Variants in CCDC83 observed in about 807,000 individuals in gnomAD.
The protein encoded by CCDC83 is coiled-coil domain containing 83.
A neutral mutation model predicts 50.1 loss-of-function variants in CCDC83; 54 were observed. The observed-to-expected ratio is 1.08, with a 90% CI of 0.87 to 1.35. The LOEUF (loss-of-function observed/expected upper bound fraction) is 1.35, where lower values mean the gene tolerates loss of function less well. Among genes scored for constraint, CCDC83 ranks in the 40% most tolerant of loss-of-function variants. CCDC83 has a pLI of 0.00. For synonymous variants in CCDC83, 161 were observed against 153.3 expected (o/e 1.05, Z -0.37); for missense variants, 518 against 473.9 (o/e 1.09, Z -0.86).
intron 7 of CCDC83, among the ~76,000 whole-genome samples, chr11:85,906,358 T>C (rs958741179): frequency 1.3e-5 from 2 of 152,152 alleles, no homozygotes; most frequent in African/African-American, 4.8e-5. Flanking sequence ...TGAGCCACCT[T>C]GCCCAGCCTC....
At chr11:85,872,646 C>T (rs947500936) in intron 2 of CCDC83, among the ~76,000 whole-genome samples, 18 of 152,172 alleles carry the variant, frequency 1.2e-4, no homozygotes, top group Admixed American at 3.3e-4. Context: ...ATAAGAAAGT[C>T]TTTCTGCACT....
Position 85,886,409 on chromosome 11 carries a change from CT to C in CCDC83, c.511+45del, listed in dbSNP as rs760319154. ...CTAGTTCAAGTTCAGTAAAAAACATCTTTAGTAGGGCATACATTGATGGAAG... is the reference window on the plus strand; with the variant it reads ...CTAGTTCAAGTTCAGTAAAAAACATCTTAGTAGGGCATACATTGATGGAAG... On this transcript the variant is annotated intron_variant, in intron 5 of 10. Transcript: ENST00000342404. 60 of 1,503,774 alleles carry C rather than the reference CT, an allele frequency of 4.0e-5. 1 individual carries two copies. In the South Asian group the frequency reaches 6.8e-4, roughly 17 times the overall value. The allele number at this position is 1,503,774 out of a possible 1,614,324, so 93.2% of individuals were successfully genotyped here.
intron 7 of CCDC83, among the ~76,000 whole-genome samples, chr11:85,906,790 T>A (rs1016471889): frequency 6.8e-6 from 1 of 146,000 alleles, no homozygotes; most frequent in Middle Eastern, 3.8e-3. Context: ...GAGGCCGAGA[T>A]AGGAGCATCA....
chr11:85,917,882 A>G (rs548198524), intron 10 of CCDC83: 2 of 152,286 alleles, frequency 1.3e-5, no homozygotes, highest in East Asian at 3.9e-4. Flanking sequence ...CAAATAGCAT[A>G]CCATTTGGTT....
chr11:85,886,980 T>C (rs2093330157), intron 5 of CCDC83, among the ~76,000 whole-genome samples: 1 of 152,076 alleles, frequency 6.6e-6, no homozygotes. Context: ...ACAGAAGCAA[T>C]TCCACCAAGA....
At chr11:85,863,729 A>G (rs1192631033) in intron 1 of CCDC83, among the ~76,000 whole-genome samples, 5 of 152,212 alleles carry the variant, frequency 3.3e-5, no homozygotes, top group African/African-American at 1.2e-4. Context: ...ATCCAAATCA[A>G]TGAAGGTTGA....
At chr11:85,882,383 G>A in intron 3 of CCDC83, 130 bp from the exon 4 acceptor site, 1 of 751,944 alleles carries the variant, frequency 1.3e-6, no homozygotes, top group Non-Finnish European at 2.2e-6. Context: ...ATGTCTGATG[G>A]AAGTAGAAGT....
chr11:85,877,087 C>G (rs907952428), intron 3 of CCDC83, among the ~76,000 whole-genome samples: 1 of 152,192 alleles, frequency 6.6e-6, no homozygotes, highest in Non-Finnish European at 1.5e-5. Context: ...CTATCAGACA[C>G]ATTCTCCTTC....
intron 3 of CCDC83, among the ~76,000 whole-genome samples, chr11:85,879,496 A>T (rs565921658): frequency 6.6e-6 from 1 of 152,234 alleles, no homozygotes; most frequent in Non-Finnish European, 1.5e-5. Context: ...CAAGCACATG[A>T]AAAGATGCTC....
rs991828438 is a variant in CCDC83 at position 85,912,734 on chromosome 11, C to T, written c.794+1332C>T. 1.9e-5 allele frequency: 31 copies of T among 1,600,948 alleles called. No homozygotes were observed. The highest frequency in any genetic ancestry group is 5.0e-5 in the Admixed American group (3 of 59,978). ...GGAATCATGTCTAATCTCTGCCAGG[C>T]GTTGCTGGTATGTGGCTTCTAACTA... is the stretch of plus-strand genomic sequence containing the variant. On this transcript the variant is annotated intron_variant, in intron 8 of 10. Coordinates refer to ENST00000342404, the MANE Select transcript of CCDC83 (RefSeq NM_001286159.2).
At position 85,882,625 on chromosome 11, in the gene CCDC83, C is replaced by A; in HGVS notation, c.293C>A (p.Ala98Glu). ...GTAACAAGAGAGGATGTTGAAGAAG[C>A]GATGAAGGAAAAATGGAAGTTTGAA... Reference protein sequence around the residue: ...PVVTREDVEEAMKEKWKFERD... With the variant: ...PVVTREDVEEEMKEKWKFERD... Residue 98 changes from alanine (A) to glutamate (E), a missense_variant, in exon 4 of 11, where the codon GCG (alanine) becomes GAG (glutamate). Ala to Glu is a moderately radical substitution (Grantham distance 107). Transcript: ENST00000342404. The A allele has an allele frequency of 6.2e-7, 1 of 1,613,304 alleles. No individual in the cohort carries two copies. Among genetic ancestry groups the A allele is most frequent in the Non-Finnish European group, 8.5e-7 (1 of 1,179,730 alleles).
At chr11:85,866,693 G>T (rs1409456120) in intron 2 of CCDC83, among the ~76,000 whole-genome samples, 1 of 151,718 alleles carries the variant, frequency 6.6e-6, no homozygotes, top group East Asian at 1.9e-4. Context: ...AAAAAACATG[G>T]CTATAATAAA....
intron 10 of CCDC83, among the ~76,000 whole-genome samples, chr11:85,916,940 A>G (rs1565159659): frequency 6.6e-6 from 1 of 151,564 alleles, no homozygotes; most frequent in Non-Finnish European, 1.5e-5. Flanking sequence ...GTGAAACCCT[A>G]TCTCTACTAA....
intron 6 of CCDC83, 84 bp downstream of exon 6, chr11:85,895,468 C>G: frequency 1.3e-6 from 1 of 762,952 alleles, no homozygotes; most frequent in Non-Finnish European, 2.1e-6. Context: ...TGGTTAAGAA[C>G]TTTGGATAGA....
chr11:85,856,409 T>A lies in CCDC83; in HGVS notation c.-29+825T>A, dbSNP rs190168133. Reference sequence around the variant, plus strand: ...TTTTCCCTTATCCTCATAATAATATTTTCATAGTTATTTTTCTTTTCTTTG... The same window carrying A: ...TTTTCCCTTATCCTCATAATAATATATTCATAGTTATTTTTCTTTTCTTTG... On this transcript the variant is annotated intron_variant, in intron 1 of 10. Coordinates refer to ENST00000342404, the MANE Select transcript of CCDC83 (RefSeq NM_001286159.2). Among the ~76,000 whole-genome samples, 296 of 152,280 alleles carry A rather than the reference T, an allele frequency of 1.9e-3. 1 individual carries two copies. The highest frequency in any genetic ancestry group is 6.8e-3 in the African/African-American group (283 of 41,544).
At chr11:85,890,146 T>G (rs534317253) in intron 5 of CCDC83, among the ~76,000 whole-genome samples, 5 of 152,198 alleles carry the variant, frequency 3.3e-5, no homozygotes, top group African/African-American at 1.2e-4. Context: ...TGGTTCAGTA[T>G]GTGTCCCCTG....
intron 1 of CCDC83, among the ~76,000 whole-genome samples, chr11:85,862,284 T>C (rs1390178189): frequency 6.6e-6 from 1 of 152,184 alleles, no homozygotes. Flanking sequence ...GCTGGAGTCC[T>C]GAGTCTTTCA....
intron 5 of CCDC83, among the ~76,000 whole-genome samples, chr11:85,893,246 G>T (rs575586129): frequency 1.3e-5 from 2 of 152,352 alleles, no homozygotes; most frequent in South Asian, 4.1e-4. Flanking sequence ...GTAATGAAAA[G>T]ATATGGAAGA....
chr11:85,878,117 T>C (rs563417920), intron 3 of CCDC83, among the ~76,000 whole-genome samples: 2 of 152,324 alleles, frequency 1.3e-5, no homozygotes, highest in South Asian at 4.1e-4. Flanking sequence ...TTAAACTTCA[T>C]TTTGAAATAA....
Sources: gnomAD v4.1 joint callset for allele counts (sites outside exome capture counted in the v4.1 genomes callset) on GRCh38, gnomAD v4.1.1 for gene constraint, MANE v1.5 for transcripts, NCBI Gene and HGNC (gene_info 2026-07-23, HGNC 2026-07-21) for gene names.